Variants in ROBO2 observed in about 807,000 individuals in gnomAD.
ROBO2 encodes the protein roundabout guidance receptor 2.
In ROBO2, 53 loss-of-function variants were observed where a neutral mutation model predicts 160.8. The ratio of observed to expected loss-of-function variants is 0.33; its 90% CI spans 0.26 to 0.41. ROBO2 has a LOEUF of 0.41. Among genes scored for constraint, ROBO2 ranks in the 10% least tolerant of loss-of-function variants. ROBO2 has a pLI of 1.00. For missense variants in ROBO2, 1,577 were observed against 1,722.4 expected (o/e 0.92, Z 1.49); for synonymous variants, 664 against 611.7 (o/e 1.09, Z -1.26).
chr3:77,560,611 A>G (rs189676950), intron 9 of ROBO2, among the ~76,000 whole-genome samples: 131 of 152,142 alleles, frequency 8.6e-4, no homozygotes, highest in Middle Eastern at 3.4e-3. Context: ...ACTTAATGCA[A>G]GGGAAAAAAA....
chr3:76,700,845 CTG>C (rs750355357), intron 2 of ROBO2, among the ~76,000 whole-genome samples: 2 of 152,160 alleles, frequency 1.3e-5, no homozygotes, highest in African/African-American at 2.4e-5. Context: ...CAATTTTAGA[CTG>C]TGTTATGTCT....
chr3:76,214,830 G>A (rs951575359), intron 2 of ROBO2, among the ~76,000 whole-genome samples: 32 of 152,208 alleles, frequency 2.1e-4, no homozygotes, highest in Non-Finnish European at 2.9e-4. Flanking sequence ...CTCCCAGCAC[G>A]CAGCTGGAGA....
At chr3:77,155,994 C>CTT (rs1409306952) in intron 2 of ROBO2, among the ~76,000 whole-genome samples, 2 of 151,964 alleles carry the variant, frequency 1.3e-5, no homozygotes, top group African/African-American at 4.8e-5. Context: ...GTGGTCATTG[C>CTT]TTTTATTGCC....
chr3:77,305,283 A>G (rs1463608404), intron 2 of ROBO2, among the ~76,000 whole-genome samples: 1 of 152,244 alleles, frequency 6.6e-6, no homozygotes, highest in Non-Finnish European at 1.5e-5. Flanking sequence ...TTGCAGTCAT[A>G]AAAGAGGCCA....
intron 2 of ROBO2, among the ~76,000 whole-genome samples, chr3:76,495,195 T>C (rs1259260826): frequency 6.7e-6 from 1 of 150,324 alleles, no homozygotes; most frequent in Non-Finnish European, 1.5e-5. Context: ...AATAGTGCTT[T>C]GTATTTATCT....
At chr3:76,350,520 A>G (rs1280565387) in intron 2 of ROBO2, among the ~76,000 whole-genome samples, 1 of 152,076 alleles carries the variant, frequency 6.6e-6, no homozygotes, top group Non-Finnish European at 1.5e-5. Context: ...AGTTTTAACT[A>G]GCTTTATGAA....
chr3:76,874,562 C>T (rs1459239028), intron 2 of ROBO2, among the ~76,000 whole-genome samples: 1 of 152,150 alleles, frequency 6.6e-6, no homozygotes, highest in Admixed American at 6.5e-5. Flanking sequence ...TGCACTTCCA[C>T]CGCAGCTTAT....
intron 2 of ROBO2, among the ~76,000 whole-genome samples, chr3:76,854,760 A>G (rs552509606): frequency 3.3e-5 from 5 of 152,276 alleles, no homozygotes; most frequent in South Asian, 4.1e-4. Flanking sequence ...ATTGTTCAAT[A>G]GTTAGCATAG....
intron 2 of ROBO2, among the ~76,000 whole-genome samples, chr3:76,188,811 C>T (rs1245236921): frequency 1.3e-5 from 2 of 152,052 alleles, no homozygotes; most frequent in African/African-American, 4.8e-5. Context: ...ACTCATATCT[C>T]CAACTTTCTG....
At chr3:76,619,232 T>C (rs13061384) in intron 2 of ROBO2, among the ~76,000 whole-genome samples, 23 of 150,178 alleles carry the variant, frequency 1.5e-4, no homozygotes, top group South Asian at 6.3e-4. Flanking sequence ...CCCAGCTACT[T>C]GGGAGGCTGA....
intron 2 of ROBO2, among the ~76,000 whole-genome samples, chr3:77,375,754 C>T (rs2072549806): frequency 6.6e-6 from 1 of 151,704 alleles, no homozygotes; most frequent in Non-Finnish European, 1.5e-5. Flanking sequence ...TATCCCCATG[C>T]ATTTGAGAAC....
At chr3:77,647,564 A>T (rs533225738) in exon 26 of ROBO2, 2 of 152,320 alleles carry the variant, frequency 1.3e-5, no homozygotes, top group East Asian at 3.9e-4. Flanking sequence ...GAAGTTCCTG[A>T]ACATTAGTCA....
chr3:76,947,403 A>C (rs777582435), intron 2 of ROBO2, among the ~76,000 whole-genome samples: 8 of 152,092 alleles, frequency 5.3e-5, no homozygotes, highest in Admixed American at 6.5e-5. Context: ...TCTGTACTTC[A>C]TTCTTCCTTG....
chr3:76,434,230 C>G, intron 2 of ROBO2: 1 of 1,036,348 alleles, frequency 9.6e-7, no homozygotes, highest in Non-Finnish European at 1.5e-6. Flanking sequence ...ATGGTCCACA[C>G]AGGTTTGACG....
At chr3:76,538,182 CA>C (rs2082619390) in intron 2 of ROBO2, among the ~76,000 whole-genome samples, 1 of 151,644 alleles carries the variant, frequency 6.6e-6, no homozygotes, top group Non-Finnish European at 1.5e-5. Context: ...CACACACACA[CA>C]CCATATTCAT....
At chr3:76,659,929 C>G (rs1575780400) in intron 2 of ROBO2, among the ~76,000 whole-genome samples, 2 of 152,136 alleles carry the variant, frequency 1.3e-5, no homozygotes, top group South Asian at 4.1e-4. Context: ...AGTAATTATG[C>G]TTTAAAGACC....
intron 2 of ROBO2, among the ~76,000 whole-genome samples, chr3:77,165,571 T>A (rs1579557786): frequency 6.6e-6 from 1 of 150,570 alleles, no homozygotes; most frequent in African/African-American, 2.4e-5. Context: ...AAAAATAAAT[T>A]AAAAAAAAAA....
chr3:76,353,241 A>T (rs966599565), intron 2 of ROBO2, among the ~76,000 whole-genome samples: 3 of 152,004 alleles, frequency 2.0e-5, no homozygotes, highest in Non-Finnish European at 4.4e-5. Context: ...ATTCTCATGA[A>T]GAGAATGAGC....
chr3:76,050,947 C>T (rs1576639186), intron 2 of ROBO2, among the ~76,000 whole-genome samples: 1 of 152,172 alleles, frequency 6.6e-6, no homozygotes, highest in African/African-American at 2.4e-5. Context: ...TTGTTGCCTG[C>T]CCATATTTTA....
Sources: allele counts gnomAD v4.1 joint callset (sites outside exome capture counted in the v4.1 genomes callset), GRCh38; gene constraint gnomAD v4.1.1; transcripts MANE v1.5; gene names NCBI Gene and HGNC (gene_info 2026-07-23, HGNC 2026-07-21).